The following ZZZ3 variants were observed in gnomAD, a reference collection of about 807,000 sequenced individuals.
ZZZ3 encodes the protein zinc finger ZZ-type containing 3, also known as ZZ-type zinc finger-containing protein 3.
In ZZZ3, 22 loss-of-function variants were observed where a neutral mutation model predicts 95.2. The observed-to-expected ratio is 0.23, with a 90% CI of 0.17 to 0.33. The LOEUF is 0.33. Among genes scored for constraint, ZZZ3 ranks in the 10% least tolerant of loss-of-function variants. The pLI, the probability that ZZZ3 is intolerant of heterozygous loss-of-function variation, is 1.00. For missense variants in ZZZ3, 885 were observed against 1,066.5 expected (o/e 0.83, Z 2.37); for synonymous variants, 335 against 358.9 (o/e 0.93, Z 0.75).
chr1:77,639,456 A>C lies in ZZZ3; in HGVS notation c.-59T>G, dbSNP rs1202628557. On this transcript the variant is annotated 5_prime_UTR_variant, in exon 4 of 15. Transcript: ENST00000370801. The stretch of plus-strand genomic sequence containing the variant: ...CAAAACTAAATAACTTACCTGTACA[A>C]CCAAAGATCTATCATTGTGGAAATA... 15 of 1,520,330 alleles carry C rather than the reference A, an allele frequency of 9.9e-6. No homozygotes were observed. The highest frequency in any genetic ancestry group is 1.2e-5 in the Non-Finnish European group (14 of 1,133,676). 94.2% of individuals were successfully genotyped at this position (1,520,330 alleles called of 1,614,324 possible).
chr1:77,574,137 CATATAG>C (rs1165890724), intron 12 of ZZZ3, among the ~76,000 whole-genome samples: 3 of 147,278 alleles, frequency 2.0e-5, no homozygotes, highest in South Asian at 2.1e-4. Flanking sequence ...GATAGATTTA[CATATAG>C]ATATATATAG....
chr1:77,614,776 A>C (rs1570510244), intron 5 of ZZZ3: 1 of 152,278 alleles, frequency 6.6e-6, no homozygotes, highest in Non-Finnish European at 1.5e-5. Context: ...CTTTCAAATC[A>C]AAACAGGACT....
intron 5 of ZZZ3, among the ~76,000 whole-genome samples, chr1:77,602,817 G>C (rs1664863510): frequency 1.3e-5 from 2 of 151,866 alleles, no homozygotes; most frequent in Non-Finnish European, 2.9e-5. Context: ...TGTTGGCCAG[G>C]CTGGTATTGA....
chr1:77,622,909 C>G (rs1460574727), intron 5 of ZZZ3, among the ~76,000 whole-genome samples: 1 of 152,106 alleles, frequency 6.6e-6, no homozygotes, highest in Non-Finnish European at 1.5e-5. Flanking sequence ...CCACAGTAAT[C>G]CCCAGATAAT....
intron 5 of ZZZ3, among the ~76,000 whole-genome samples, chr1:77,603,349 G>A (rs924448080): frequency 6.6e-6 from 1 of 152,188 alleles, no homozygotes; most frequent in South Asian, 2.1e-4. Context: ...CAAGTGCTAC[G>A]ATTATAGGAA....
At chr1:77,668,402 T>C (rs1469419818) in intron 1 of ZZZ3, among the ~76,000 whole-genome samples, 3 of 152,172 alleles carry the variant, frequency 2.0e-5, no homozygotes, top group Admixed American at 2.0e-4. Context: ...AGTCAGATAT[T>C]TGTCAGTTAC....
At chr1:77,628,723 A>T (rs1667531924) in intron 5 of ZZZ3, among the ~76,000 whole-genome samples, 1 of 152,232 alleles carries the variant, frequency 6.6e-6, no homozygotes. Context: ...AATAACACAG[A>T]GTTATGTCCT....
chr1:77,587,930 A>T (rs1287703732), intron 5 of ZZZ3, among the ~76,000 whole-genome samples: 1 of 152,098 alleles, frequency 6.6e-6, no homozygotes, highest in Non-Finnish European at 1.5e-5. Flanking sequence ...TTTTCTCTTT[A>T]TTTTGATTTT....
In ZZZ3 at chr1:77,639,560, C is replaced by A; in HGVS notation, c.-163G>T. 1 of 1,018,390 alleles carries A rather than the reference C, an allele frequency of 9.8e-7. No individual in the cohort carries two copies. The highest frequency in any genetic ancestry group is 2.4e-5 in the South Asian group (1 of 41,194). The allele number at this position is 1,018,390 out of a possible 1,614,324, so 63.1% of individuals were successfully genotyped here. A position where few individuals can be genotyped will look rare whatever the true frequency, so the allele number is the denominator to read the frequency against. On this transcript the variant is annotated 5_prime_UTR_variant, in exon 4 of 15. Transcript: ENST00000370801. ...CTTAAGCATCAGGGTTTCAGACTCT[C>A]TCAGCTTCAGCCATGAAGAATACTA...
chr1:77,635,291 A>T (rs1433440379), intron 4 of ZZZ3, among the ~76,000 whole-genome samples: 1 of 152,286 alleles, frequency 6.6e-6, no homozygotes, highest in Admixed American at 6.5e-5. Flanking sequence ...TTAATTAACA[A>T]TTTTTTTAAA....
intron 1 of ZZZ3, among the ~76,000 whole-genome samples, chr1:77,669,214 C>G (rs1028214959): frequency 6.6e-6 from 1 of 152,170 alleles, no homozygotes; most frequent in Non-Finnish European, 1.5e-5. Context: ...GACAAGAACT[C>G]TGAGGTTGTC....
intron 6 of ZZZ3, 43 bp from the exon 7 acceptor site, chr1:77,582,169 A>G (rs1662593024): frequency 6.5e-7 from 1 of 1,546,176 alleles, no homozygotes; most frequent in African/African-American, 1.4e-5. Context: ...AAAAGTCTAA[A>G]TTTAATTAAA....
At chr1:77,620,060 C>T (rs1331138469) in intron 5 of ZZZ3, among the ~76,000 whole-genome samples, 1 of 152,024 alleles carries the variant, frequency 6.6e-6, no homozygotes, top group Non-Finnish European at 1.5e-5. Flanking sequence ...TACAACACAG[C>T]ACACAAGGAG....
intron 4 of ZZZ3, 70 bp downstream of exon 4, chr1:77,639,379 T>C: frequency 2.4e-6 from 3 of 1,260,562 alleles, no homozygotes; most frequent in Non-Finnish European, 3.2e-6. Context: ...AGTCTCCCCA[T>C]CTCAAAAAAA....
chr1:77,624,352 T>G (rs1667148448), intron 5 of ZZZ3, among the ~76,000 whole-genome samples: 1 of 152,162 alleles, frequency 6.6e-6, no homozygotes, highest in African/African-American at 2.4e-5. Flanking sequence ...GGGTGGAGGA[T>G]GGTCATTACA....
chr1:77,592,755 G>A (rs1313823863), intron 5 of ZZZ3, among the ~76,000 whole-genome samples: 1 of 152,192 alleles, frequency 6.6e-6, no homozygotes, highest in East Asian at 1.9e-4. Context: ...TAAAAATACA[G>A]TAACTAAAAC....
At chr1:77,680,304 C>T (rs886402334) in intron 1 of ZZZ3, among the ~76,000 whole-genome samples, 5 of 152,166 alleles carry the variant, frequency 3.3e-5, no homozygotes, top group Non-Finnish European at 7.3e-5. Flanking sequence ...TCGGGCTGTC[C>T]TCCAACTATT....
chr1:77,577,161 T>C (rs1171517047), intron 11 of ZZZ3, among the ~76,000 whole-genome samples: 1 of 152,166 alleles, frequency 6.6e-6, no homozygotes, highest in Non-Finnish European at 1.5e-5. Context: ...TTTCACCTGT[T>C]TCCAAATTTA....
rs1234908458 is a variant in ZZZ3, at chr1:77,570,828, A to ATT, written c.2332-2364_2332-2363dup. ...AGGCGCACACCACCAAGCCTGGCTA[A>ATT]TTTTTTTTTTTTTTTTTTTTTTGTA... On this transcript the variant is annotated intron_variant, in intron 12 of 14. Transcript: ENST00000370801. 1.8e-3 allele frequency among the ~76,000 whole-genome samples: 219 copies of ATT among 123,752 alleles called. 2 individuals carry two copies. Among genetic ancestry groups the ATT allele is most frequent in the African/African-American group, 5.7e-3 (179 of 31,218 alleles). The allele number at this position is 123,752 out of a possible 152,430, so 81.2% of individuals were successfully genotyped here.
Sources: allele counts gnomAD v4.1 joint callset (sites outside exome capture counted in the v4.1 genomes callset), GRCh38; gene constraint gnomAD v4.1.1; transcripts MANE v1.5; gene names NCBI Gene and HGNC (gene_info 2026-07-23, HGNC 2026-07-21).